The following CMIP variants were observed in gnomAD, a reference collection of about 807,000 sequenced individuals.
The protein encoded by CMIP is C-Maf-inducing protein.
A neutral mutation model predicts 97.3 loss-of-function variants in CMIP; 13 were observed. That is an observed-to-expected ratio of 0.13 (90% CI 0.09 to 0.21). The LOEUF (loss-of-function observed/expected upper bound fraction) is 0.21. Among genes scored for constraint, CMIP ranks in the 10% least tolerant of loss-of-function variants. The pLI, the probability that CMIP is intolerant of heterozygous loss-of-function variation, is 1.00. For synonymous variants in CMIP, 538 were observed against 436.3 expected, an observed-to-expected ratio of 1.23 and a Z score of -2.91; for missense variants, 847 against 1,024.9, an observed-to-expected ratio of 0.83 and a Z score of 2.37.
At chr16:81,519,783 G>A in intron 1 of CMIP, 1 of 152,348 alleles carries the variant, frequency 6.6e-6, no homozygotes. Context: ...CCATCATGGA[G>A]ATGCCTCAGT....
chr16:81,545,015 C>A (rs1357520429), intron 1 of CMIP, among the ~76,000 whole-genome samples: 1 of 152,112 alleles, frequency 6.6e-6, no homozygotes, highest in Non-Finnish European at 1.5e-5. Flanking sequence ...TACCAGACAC[C>A]CTGTGCTCCA....
At chr16:81,481,048 C>T (rs923956443) in intron 1 of CMIP, among the ~76,000 whole-genome samples, 1 of 152,216 alleles carries the variant, frequency 6.6e-6, no homozygotes, top group Non-Finnish European at 1.5e-5. Context: ...GCTGTGCACA[C>T]CTCAGGGCTT....
intron 3 of CMIP, among the ~76,000 whole-genome samples, chr16:81,640,737 C>CAT (rs2092294954): frequency 1.1e-4 from 8 of 75,980 alleles, no homozygotes; most frequent in Non-Finnish European, 2.6e-4. Context: ...CTCTCTGGAG[C>CAT]ATGTGTGTGT....
intron 17 of CMIP, 185 bp from the exon 18 acceptor site, chr16:81,703,754 C>A: frequency 1.4e-6 from 1 of 726,932 alleles, no homozygotes. Flanking sequence ...CAGCCCCTCC[C>A]TCTCTGGCCA....
intron 3 of CMIP, among the ~76,000 whole-genome samples, chr16:81,650,697 C>A (rs1393790001): frequency 6.6e-6 from 1 of 152,112 alleles, no homozygotes; most frequent in Non-Finnish European, 1.5e-5. Context: ...TGACTCTTGG[C>A]TGATTTATCT....
chr16:81,487,510 G>C (rs1044784772), intron 1 of CMIP, among the ~76,000 whole-genome samples: 1 of 152,194 alleles, frequency 6.6e-6, no homozygotes, highest in Non-Finnish European at 1.5e-5. Context: ...TGGGCAGGCT[G>C]GGCAGCATGG....
At chr16:81,688,378 A>T (rs966009929) in intron 10 of CMIP, among the ~76,000 whole-genome samples, 1 of 152,208 alleles carries the variant, frequency 6.6e-6, no homozygotes, top group Admixed American at 6.5e-5. Context: ...TTTTGCTAAG[A>T]TCACAGCCGT....
chr16:81,566,387 C>T (rs1321393801), intron 1 of CMIP, among the ~76,000 whole-genome samples: 1 of 152,188 alleles, frequency 6.6e-6, no homozygotes, highest in Non-Finnish European at 1.5e-5. Flanking sequence ...GCTGCTGTTC[C>T]TTCCTTCCTG....
intron 1 of CMIP, among the ~76,000 whole-genome samples, chr16:81,563,428 C>G (rs1328619518): frequency 6.6e-6 from 1 of 152,200 alleles, no homozygotes; most frequent in African/African-American, 2.4e-5. Context: ...ATGATAATAG[C>G]AATACTTCTT....
chr16:81,642,850 C>A (rs929197890), intron 3 of CMIP, among the ~76,000 whole-genome samples: 2 of 152,060 alleles, frequency 1.3e-5, no homozygotes, highest in Non-Finnish European at 2.9e-5. Context: ...GAGTTGAGAT[C>A]GCACCACTGC....
chr16:81,590,842 TC>T (rs2091456297), intron 1 of CMIP, among the ~76,000 whole-genome samples: 2 of 151,854 alleles, frequency 1.3e-5, no homozygotes, highest in African/African-American at 4.8e-5. Context: ...CATCCATCCA[TC>T]CATCCATCCA....
At chr16:81,610,764 T>C (rs9931524) in intron 2 of CMIP, among the ~76,000 whole-genome samples, 100,015 of 152,018 alleles carry the variant, frequency 0.66, 33,362 homozygotes, top group East Asian at 0.88. Flanking sequence ...ACTTGGCCCC[T>C]GGTGTGGTAC....
intron 2 of CMIP, among the ~76,000 whole-genome samples, chr16:81,612,428 A>G (rs987356928): frequency 6.6e-6 from 1 of 152,176 alleles, no homozygotes; most frequent in Admixed American, 6.5e-5. Context: ...GCAGCAGGGC[A>G]GGGACGGGGT....
intron 1 of CMIP, among the ~76,000 whole-genome samples, chr16:81,543,609 C>G (rs1339687352): frequency 6.6e-6 from 1 of 152,274 alleles, no homozygotes; most frequent in East Asian, 1.9e-4. Context: ...TATCTATGAC[C>G]ATGGGCTAGT....
At chr16:81,597,375 T>C (rs542695166) in intron 1 of CMIP, among the ~76,000 whole-genome samples, 20 of 152,336 alleles carry the variant, frequency 1.3e-4, no homozygotes, top group African/African-American at 4.8e-4. Context: ...TAGTTGCCTG[T>C]AGACAAAGGC....
chr16:81,508,622 A>G (rs1322842863), intron 1 of CMIP, among the ~76,000 whole-genome samples: 2 of 152,262 alleles, frequency 1.3e-5, no homozygotes, highest in Admixed American at 6.5e-5. Context: ...ATTCCTAGAA[A>G]TGAAATGTCT....
rs905585894 is a variant in CMIP at position 81,614,201 on chromosome 16, G to A, written c.426+6509G>A. Among the ~76,000 whole-genome samples the A allele has an allele frequency of 8.5e-5, 13 of 152,190 alleles. No individual in the cohort carries two copies. The highest frequency in any genetic ancestry group is 1.5e-5 in the Non-Finnish European group (1 of 68,024). On this transcript the variant is annotated intron_variant, in intron 2 of 20. Transcript: ENST00000537098. This position sits in a 1 kb window ranked among gnomAD's most constrained non-coding sequence, Gnocchi z 5.3. Reference sequence around the variant, plus strand: ...GGGGTGACAGCAGAATGTTCCTGGTGGGGGAGTACACGCTGCATGGAAGCC... The same window carrying A: ...GGGGTGACAGCAGAATGTTCCTGGTAGGGGAGTACACGCTGCATGGAAGCC...
chr16:81,530,567 C>T (rs1378284665), intron 1 of CMIP, among the ~76,000 whole-genome samples: 2 of 152,094 alleles, frequency 1.3e-5, no homozygotes, highest in African/African-American at 4.8e-5. Flanking sequence ...GAGTCTCTTG[C>T]CTCTGCTCAC....
At chr16:81,673,017 G>A (rs547078811) in intron 9 of CMIP, among the ~76,000 whole-genome samples, 2 of 152,306 alleles carry the variant, frequency 1.3e-5, no homozygotes, top group East Asian at 1.9e-4. Context: ...ATGTCAGAGG[G>A]TAAGAAAAAC....
Sources: gnomAD v4.1 joint callset for allele counts (sites outside exome capture counted in the v4.1 genomes callset) on GRCh38, gnomAD v4.1.1 for gene constraint, Gnocchi (gnomAD v3.1) non-coding constraint, MANE v1.5 for transcripts, NCBI Gene and HGNC (gene_info 2026-07-23, HGNC 2026-07-21) for gene names.